Variants in PML observed in about 807,000 individuals in gnomAD.
The protein encoded by PML is protein PML.
A neutral mutation model predicts 65.2 loss-of-function variants in PML; 28 were observed. The observed-to-expected ratio is 0.43, with a 90% confidence interval of 0.32 to 0.59. PML has a LOEUF of 0.59. Among genes scored for constraint, PML ranks in the 20% least tolerant of loss-of-function variants. PML has a pLI of 0.08. For synonymous variants in PML, 500 were observed against 508.8 expected, an observed-to-expected ratio of 0.98 and a Z score of 0.23; for missense variants, 1,021 against 1,203.4, an observed-to-expected ratio of 0.85 and a Z score of 2.24.
In PML at chr15:74,005,200, G is replaced by A. The variant is rs148847219; in HGVS notation, c.602+6724G>A. Among the ~76,000 whole-genome samples, 485 of 151,594 alleles carry A rather than the reference G, an allele frequency of 3.2e-3. 2 individuals carry two copies. Among genetic ancestry groups the A allele is most frequent in the African/African-American group, 9.1e-3 (377 of 41,324 alleles). ...CCCGAGTAGCTGGGACTACAGGTGC[G>A]CACCACCATGCCCAGCTAATTTTTG... On this transcript the variant is annotated intron_variant, in intron 2 of 8. Coordinates refer to ENST00000268058, the MANE Select transcript of PML (RefSeq NM_033238.3).
chr15:74,023,208 C>T lies in PML; in HGVS notation c.983C>T (p.Thr328Met). 2 of 1,608,914 alleles carry T rather than the reference C, an allele frequency of 1.2e-6. No individual in the cohort carries two copies. Among genetic ancestry groups the T allele is most frequent in the Non-Finnish European group, 8.5e-7 (1 of 1,178,162 alleles). ...GATGCTGTGCTGCAGCGCATCCGCA[C>T]GGGCAGCGCGCTGGTGCAGAGGATG... ...RLDAVLQRIR[T>M]GSALVQRMKC... The change falls in exon 3 of 9, where the codon ACG (threonine) becomes ATG (methionine). Residue 328 changes from threonine (T) to methionine (M), a missense_variant. Coordinates refer to ENST00000268058, the MANE Select transcript of PML (RefSeq NM_033238.3).
chr15:74,043,333 G>T lies in PML; in HGVS notation c.1861+194G>T. 6.9e-7 allele frequency: 1 copy of T among 1,458,978 alleles called. No individual in the cohort carries two copies. The highest frequency in any genetic ancestry group is 9.0e-7 in the Non-Finnish European group (1 of 1,112,832). 90.4% of individuals were successfully genotyped at this position (1,458,978 alleles called of 1,614,324 possible). A position where few individuals can be genotyped will look rare whatever the true frequency, so the allele number is the denominator to read the frequency against. Reference sequence around the variant, plus strand: ...TTTGCTGGCTTGAATAAAGATGTCCGCCTTATCCAGTGCCTGAGTGTGCGA... The same window carrying T: ...TTTGCTGGCTTGAATAAAGATGTCCTCCTTATCCAGTGCCTGAGTGTGCGA... On this transcript the variant is annotated intron_variant, in intron 8 of 8. Coordinates refer to ENST00000268058, the MANE Select transcript of PML (RefSeq NM_033238.3). This position sits in a 1 kb window ranked among gnomAD's most constrained non-coding sequence, Gnocchi z 4.3.
chr15:74,047,389 C>T lies in PML; in HGVS notation c.*2381C>T, dbSNP rs563244514. On this transcript the variant is annotated 3_prime_UTR_variant, in exon 9 of 9. Coordinates refer to ENST00000268058, the MANE Select transcript of PML (RefSeq NM_033238.3). ...TCAGTGCCACCACCCTTGACCCCAA[C>T]TACCATCCCAGATGCCCAGATTCCA... The T allele has an allele frequency of 4.3e-6, 1 of 231,014 alleles. No individual in the cohort carries two copies. Among genetic ancestry groups the T allele is most frequent in the East Asian group, 6.1e-5 (1 of 16,338 alleles). 14.3% of individuals were successfully genotyped at this position (231,014 alleles called of 1,614,324 possible).
At chr15:74,007,328 GC>G (rs899123688) in intron 2 of PML, among the ~76,000 whole-genome samples, 6 of 152,152 alleles carry the variant, frequency 3.9e-5, no homozygotes, top group African/African-American at 1.4e-4. Flanking sequence ...TTTTGGAGTG[GC>G]ATATTTTTAT....
intron 4 of PML, among the ~76,000 whole-genome samples, chr15:74,029,006 A>G (rs1215714368): frequency 2.6e-5 from 4 of 152,082 alleles, no homozygotes; most frequent in African/African-American, 9.7e-5. Context: ...ATTATTTTGC[A>G]TGTTTACTCA....
At chr15:74,036,611 T>C (rs1177877922) in intron 7 of PML, among the ~76,000 whole-genome samples, 1 of 152,030 alleles carries the variant, frequency 6.6e-6, no homozygotes. Flanking sequence ...TCTGGTAAGA[T>C]CCTCTGTCCC....
In PML at chr15:73,998,348, C is replaced by G. The variant is rs370861713; in HGVS notation, c.474C>G (p.Phe158Leu). ...CAKCFEAHQWFLKHEARPLAE... is the reference protein window; with the variant it reads ...CAKCFEAHQWLLKHEARPLAE... ...AGTGCTTCGAGGCACACCAGTGGTT[C>G]CTCAAGCACGAGGCCCGGCCCCTAG... Residue 158 changes from phenylalanine (F) to leucine (L), a missense_variant, in exon 2 of 9, where the codon TTC becomes TTG. Coordinates refer to ENST00000268058, the MANE Select transcript of PML (RefSeq NM_033238.3). 4 of 1,614,184 alleles carry G rather than the reference C, an allele frequency of 2.5e-6. No homozygotes were observed. Among genetic ancestry groups the G allele is most frequent in the Non-Finnish European group, 2.5e-6 (3 of 1,180,028 alleles).
intron 2 of PML, among the ~76,000 whole-genome samples, chr15:74,011,798 CAG>C (rs2070344810): frequency 6.6e-6 from 1 of 152,158 alleles, no homozygotes; most frequent in Non-Finnish European, 1.5e-5. Context: ...GGCGAGAGGC[CAG>C]AGAGTTAACA....
At position 74,037,539 on chromosome 15, in the gene PML, C is replaced by T; in HGVS notation, c.1710+3009C>T. On this transcript the variant is annotated intron_variant, in intron 7 of 8. Coordinates refer to ENST00000268058, the MANE Select transcript of PML (RefSeq NM_033238.3). The surrounding 1 kb of genome is among the most constrained non-coding windows in gnomAD (Gnocchi z 4.2). ...TCTCTCCAGCTGTCGGCTCCCCTTC[C>T]TCTGCTCTCCTTGTTTACACTTCAG... is the stretch of plus-strand genomic sequence containing the variant. 1 of 985,416 alleles carries T rather than the reference C, an allele frequency of 1.0e-6. No homozygotes were observed. Among genetic ancestry groups the T allele is most frequent in the South Asian group, 4.7e-5 (1 of 21,280 alleles). 61.0% of individuals were successfully genotyped at this position (985,416 alleles called of 1,614,324 possible). A position where few individuals can be genotyped will look rare whatever the true frequency, so the allele number is the denominator to read the frequency against.
chr15:74,037,914 A>G lies in PML; in HGVS notation c.1710+3384A>G, dbSNP rs981589115. Among the ~76,000 whole-genome samples, 12 of 152,110 alleles carry G rather than the reference A, an allele frequency of 7.9e-5. No individual in the cohort carries two copies. Among genetic ancestry groups the G allele is most frequent in the African/African-American group, 2.4e-4 (10 of 41,424 alleles). On this transcript the variant is annotated intron_variant, in intron 7 of 8. Coordinates refer to ENST00000268058, the MANE Select transcript of PML (RefSeq NM_033238.3). The surrounding 1 kb of genome is among the most constrained non-coding windows in gnomAD (Gnocchi z 4.2). ...ACTCGCACCTGCCTGCCAGACCAGC[A>G]TGGCCAGTGACCTTCCAACAGCTCC...
chr15:73,999,834 A>ATTTT (rs368015472), intron 2 of PML, among the ~76,000 whole-genome samples: 2 of 135,782 alleles, frequency 1.5e-5, no homozygotes, highest in African/African-American at 5.5e-5. Flanking sequence ...ATTTTTTTTA[A>ATTTT]TTTTTTTTTT....
intron 2 of PML, among the ~76,000 whole-genome samples, chr15:74,006,170 C>T (rs759030412): frequency 6.6e-6 from 1 of 152,124 alleles, no homozygotes; most frequent in Non-Finnish European, 1.5e-5. Context: ...GTGGGTGGAT[C>T]ACCTGAGGTC....
At chr15:74,019,094 G>A (rs568096669) in intron 2 of PML, among the ~76,000 whole-genome samples, 2 of 152,346 alleles carry the variant, frequency 1.3e-5, no homozygotes, top group South Asian at 4.1e-4. Context: ...CCAGGTGTCT[G>A]ATTCAGGCTA....
chr15:74,022,253 G>A (rs527824807), intron 2 of PML, among the ~76,000 whole-genome samples: 168 of 152,278 alleles, frequency 1.1e-3, no homozygotes, highest in Non-Finnish European at 1.9e-3. Flanking sequence ...CACCGCGCCC[G>A]GCCGATTTCT....
chr15:73,995,705 G>GT (rs2069451357), intron 1 of PML, among the ~76,000 whole-genome samples: 2 of 132,302 alleles, frequency 1.5e-5, no homozygotes, highest in African/African-American at 5.3e-5. Context: ...TAAGCACTTT[G>GT]GTTTTTTTTT....
intron 2 of PML, among the ~76,000 whole-genome samples, chr15:74,021,257 A>T (rs1180043531): frequency 6.6e-6 from 1 of 152,176 alleles, no homozygotes; most frequent in Non-Finnish European, 1.5e-5. Context: ...AGTATCTGAG[A>T]CACAATAAAT....
intron 2 of PML, among the ~76,000 whole-genome samples, chr15:74,008,476 C>T (rs1192476189): frequency 6.6e-6 from 1 of 151,718 alleles, no homozygotes; most frequent in African/African-American, 2.4e-5. Context: ...TGGTGGCTCA[C>T]GCCTGTAATC....
rs1457140433 is a variant in PML, at chr15:74,035,451, A to C, written c.1710+921A>C. 6.2e-7 allele frequency: 1 copy of C among 1,612,432 alleles called. No individual in the cohort carries two copies. The highest frequency in any genetic ancestry group is 2.2e-5 in the East Asian group (1 of 44,846). On this transcript the variant is annotated intron_variant, in intron 7 of 8. Transcript: ENST00000268058. This position sits in a 1 kb window ranked among gnomAD's most constrained non-coding sequence, Gnocchi z 4.1. ...CCGCTACCTGTTGTACAGAGCACAG[A>C]GAGCCATCCGCCTTCGCCATGCCCT...
rs2141834585 is a variant in PML, at chr15:74,023,215, C to T, written c.990C>T (p.Ser330=). 6.2e-7 allele frequency: 1 copy of T among 1,609,664 alleles called. No individual in the cohort carries two copies. Among genetic ancestry groups the T allele is most frequent in the Non-Finnish European group, 8.5e-7 (1 of 1,178,694 alleles). The part of the protein sequence containing the change: ...DAVLQRIRTG[S]ALVQRMKCYA... ...TGCTGCAGCGCATCCGCACGGGCAGCGCGCTGGTGCAGAGGATGAAGTGCT... is the reference window on the plus strand; with the variant it reads ...TGCTGCAGCGCATCCGCACGGGCAGTGCGCTGGTGCAGAGGATGAAGTGCT... The change falls in exon 3 of 9, where the codon AGC becomes AGT. Residue 330 remains serine, a synonymous_variant. Coordinates refer to ENST00000268058, the MANE Select transcript of PML (RefSeq NM_033238.3).
Sources: allele counts gnomAD v4.1 joint callset (sites outside exome capture counted in the v4.1 genomes callset), GRCh38; gene constraint gnomAD v4.1.1; non-coding constraint Gnocchi (gnomAD v3.1); transcripts MANE v1.5; gene names NCBI Gene and HGNC (gene_info 2026-07-23, HGNC 2026-07-21).